SDHA: variants seen among roughly 807,000 people sequenced by gnomAD.
SDHA encodes succinate dehydrogenase [ubiquinone] flavoprotein subunit, mitochondrial.
In SDHA, 48 loss-of-function variants were observed where a neutral mutation model predicts 78.4. The ratio of observed to expected loss-of-function variants is 0.61; its 90% CI spans 0.49 to 0.78. SDHA has a LOEUF of 0.78. Ranked by LOEUF, SDHA falls within the 30% of genes least tolerant of loss-of-function variation. The pLI, the probability that SDHA is intolerant of heterozygous loss-of-function variation, is 0.00. For missense variants in SDHA, 680 were observed against 892.7 expected, an observed-to-expected ratio of 0.76 and a Z score of 3.04; for synonymous variants, 326 against 353.9, an observed-to-expected ratio of 0.92 and a Z score of 0.88.
chr5:237,252 ATATTT>A lies in SDHA; in HGVS notation c.1432+656_1432+660del, dbSNP rs1735843277. On this transcript the variant is annotated intron_variant, in intron 10 of 14. Coordinates refer to ENST00000264932, the MANE Select transcript of SDHA (RefSeq NM_004168.4). ...ATAAAAATCACTTATTTGCAATGAA[ATATTT>A]TAAGTAGTTGGCATGAATGAATATG... is the stretch of plus-strand genomic sequence containing the variant. Among the ~76,000 whole-genome samples, 2 of 135,472 alleles carry A rather than the reference ATATTT, an allele frequency of 1.5e-5. 1 individual carries two copies. Among genetic ancestry groups the A allele is most frequent in the African/African-American group, 7.1e-5 (2 of 28,200 alleles). The allele number at this position is 135,472 out of a possible 152,430, so 88.9% of individuals were successfully genotyped here. A position where few individuals can be genotyped will look rare whatever the true frequency, so the allele number is the denominator to read the frequency against.
intron 11 of SDHA, among the ~76,000 whole-genome samples, chr5:241,701 T>TTA (rs1212200667): frequency 6.6e-6 from 1 of 152,250 alleles, no homozygotes; most frequent in Non-Finnish European, 1.5e-5. Context: ...GTCCATTGCT[T>TTA]TAGTCCTATT....
In SDHA at chr5:251,381, G is replaced by A. The variant is rs959934068; in HGVS notation, c.1707G>A (p.Gln569=). 4 of 1,613,748 alleles carry A rather than the reference G, an allele frequency of 2.5e-6. No individual in the cohort carries two copies. Among genetic ancestry groups the A allele is most frequent in the African/African-American group, 1.3e-5 (1 of 74,890 alleles). The change falls in exon 13 of 15, where the codon CAG becomes CAA. Residue 569 remains glutamine (Q), a synonymous_variant. Transcript: ENST00000264932. ...ACCTGGTGGAGACCCTGGAGCTGCA[G>A]AACCTGATGCTGTGTGCGCTGCAGA... The part of the protein sequence containing the change: ...NTDLVETLEL[Q]NLMLCALQTI...
the SDHA span, among the ~76,000 whole-genome samples, chr5:264,012 C>T: frequency 6.2e-3 from 947 of 152,288 alleles, 12 homozygotes; most frequent in African/African-American, 0.022. Context: ...TTAATTCGTA[C>T]AGTGGGGAAC....
intron 13 of SDHA, chr5:251,746 C>T (rs1238887385): frequency 7.1e-7 from 1 of 1,399,830 alleles, no homozygotes; most frequent in Non-Finnish European, 9.4e-7. Context: ...AGAAGTGCAG[C>T]TAGAGTGGCA....
intron 1 of SDHA, among the ~76,000 whole-genome samples, chr5:219,804 C>T (rs766861318): frequency 2.0e-5 from 3 of 152,208 alleles, no homozygotes; most frequent in Admixed American, 6.5e-5. Flanking sequence ...GGTGTTCCTT[C>T]TGCAGACTAA....
chr5:258,959 T>A (rs71597617), downstream of SDHA, among the ~76,000 whole-genome samples: 3 of 27,044 alleles, frequency 1.1e-4, no homozygotes, highest in East Asian at 1.1e-3. Context: ...CCGCCTCCCG[T>A]CCGAGCATTA....
intron 5 of SDHA, among the ~76,000 whole-genome samples, chr5:226,638 G>A (rs10043002): frequency 0.24 from 36,386 of 148,926 alleles, 6,803 homozygotes; most frequent in African/African-American, 0.53. Flanking sequence ...CAAAAAAAGA[G>A]AAAGAACAGG....
chr5:248,572 T>C (rs1736617215), intron 11 of SDHA, among the ~76,000 whole-genome samples: 1 of 152,208 alleles, frequency 6.6e-6, no homozygotes, highest in Non-Finnish European at 1.5e-5. Flanking sequence ...TGCTTTCTGA[T>C]CTCAGTATTT....
chr5:252,560 C>T (rs1183037140), intron 13 of SDHA, among the ~76,000 whole-genome samples: 3 of 139,902 alleles, frequency 2.1e-5, no homozygotes, highest in South Asian at 2.3e-4. Flanking sequence ...GGAGGAAATG[C>T]CAGTTTAGTA....
intron 14 of SDHA, 116 bp downstream of exon 14, chr5:254,622 C>T (rs1430942635): frequency 6.9e-7 from 1 of 1,444,322 alleles, no homozygotes; most frequent in Non-Finnish European, 9.4e-7. Flanking sequence ...AAATCAACTC[C>T]CGACAGATTC....
rs1735800203 is a variant in SDHA at position 236,578 on chromosome 5, A to G, written c.1411A>G (p.Ile471Val). The G allele has an allele frequency of 6.2e-7, 1 of 1,614,034 alleles. No homozygotes were observed. Among genetic ancestry groups the G allele is most frequent in the Non-Finnish European group, 8.5e-7 (1 of 1,179,878 alleles). ...VVFGRACALSIEESCRPGDKV... is the reference protein window; with the variant it reads ...VVFGRACALSVEESCRPGDKV... ...CTTTGGTCGGGCATGTGCCCTGAGC[A>G]TCGAAGAGTCATGCAGGCCTGGTAA... The change falls in exon 10 of 15, where the codon ATC becomes GTC. Residue 471 changes from isoleucine to valine, a missense_variant. By Grantham distance (29) the Ile-to-Val change is conservative. Coordinates refer to ENST00000264932, the MANE Select transcript of SDHA (RefSeq NM_004168.4).
chr5:268,198 T>C, the SDHA span, among the ~76,000 whole-genome samples: 4 of 152,066 alleles, frequency 2.6e-5, no homozygotes, highest in Non-Finnish European at 5.9e-5. Flanking sequence ...CTTTTTTTTT[T>C]TTTGAGACGG....
chr5:265,424 A>C, the SDHA span, among the ~76,000 whole-genome samples: 3 of 152,136 alleles, frequency 2.0e-5, no homozygotes, highest in Non-Finnish European at 4.4e-5. Flanking sequence ...CAACCAACCA[A>C]ACACATGTAA....
intron 3 of SDHA, among the ~76,000 whole-genome samples, chr5:225,061 T>C (rs1734930151): frequency 6.6e-6 from 1 of 152,188 alleles, no homozygotes; most frequent in Non-Finnish European, 1.5e-5. Context: ...GATTTGTTAA[T>C]AAAATTATCT....
chr5:218,365 G>A lies in SDHA; in HGVS notation c.10G>A (p.Val4Ile), dbSNP rs778069799. 1 of 1,459,644 alleles carries A rather than the reference G, an allele frequency of 6.9e-7. No homozygotes were observed. The highest frequency in any genetic ancestry group is 9.0e-7 in the Non-Finnish European group (1 of 1,114,738). 90.4% of individuals were successfully genotyped at this position (1,459,644 alleles called of 1,614,324 possible). A position where few individuals can be genotyped will look rare whatever the true frequency, so the allele number is the denominator to read the frequency against. Reference sequence around the variant, plus strand: ...GGCGGCAACAGCAGACATGTCGGGGGTCCGGGGCCTGTCGCGGCTGCTGAG... The same window carrying A: ...GGCGGCAACAGCAGACATGTCGGGGATCCGGGGCCTGTCGCGGCTGCTGAG... The part of the protein sequence containing the change: MSG[V>I]RGLSRLLSAR... The change falls in exon 1 of 15, where the codon GTC (valine) becomes ATC (isoleucine). Residue 4 changes from valine (V) to isoleucine (I), a missense_variant. Coordinates refer to ENST00000264932, the MANE Select transcript of SDHA (RefSeq NM_004168.4).
intron 10 of SDHA, among the ~76,000 whole-genome samples, chr5:237,151 T>A (rs1216595875): frequency 1.5e-5 from 2 of 135,134 alleles, no homozygotes; most frequent in Non-Finnish European, 3.0e-5. Flanking sequence ...TATTTTGCAG[T>A]CATTATGTTC....
chr5:244,478 A>G (rs1218949803), intron 11 of SDHA, among the ~76,000 whole-genome samples: 1 of 152,090 alleles, frequency 6.6e-6, no homozygotes, highest in Non-Finnish European at 1.5e-5. Flanking sequence ...AAATGGGGAA[A>G]AGTGAAATTA....
intron 10 of SDHA, among the ~76,000 whole-genome samples, chr5:239,139 C>T (rs958238590): frequency 1.1e-4 from 13 of 113,054 alleles, no homozygotes; most frequent in South Asian, 2.4e-4. Context: ...AGGTGGTGGG[C>T]GGGGTGGGGC....
chr5:222,532 G>GT (rs1404461261), intron 1 of SDHA, among the ~76,000 whole-genome samples: 1 of 151,920 alleles, frequency 6.6e-6, no homozygotes, highest in Non-Finnish European at 1.5e-5. Flanking sequence ...TAGAGATGGG[G>GT]TTTTGCCATG....
Sources: gnomAD v4.1 joint callset for allele counts (sites outside exome capture counted in the v4.1 genomes callset) on GRCh38, gnomAD v4.1.1 for gene constraint, MANE v1.5 for transcripts, NCBI Gene and HGNC (gene_info 2026-07-23, HGNC 2026-07-21) for gene names.